The following APOBEC3D variants were observed in gnomAD, a reference collection of about 807,000 sequenced individuals.
APOBEC3D encodes DNA dC->dU-editing enzyme APOBEC-3D.
A neutral mutation model predicts 45.6 loss-of-function variants in APOBEC3D; 37 were observed. The observed-to-expected ratio is 0.81, with a 90% CI of 0.62 to 1.07. The LOEUF (loss-of-function observed/expected upper bound fraction) is 1.07. Among genes scored for constraint, APOBEC3D ranks in the 50% least tolerant of loss-of-function variants. The pLI, the probability that APOBEC3D is intolerant of heterozygous loss-of-function variation, is 0.00. For synonymous variants in APOBEC3D, 175 were observed against 180.7 expected (o/e 0.97, Z 0.25); for missense variants, 496 against 495.3 (o/e 1.00, Z -0.01).
rs765057107 is a variant in APOBEC3D at position 39,032,278 on chromosome 22, C to A, written c.1123C>A (p.Arg375=). ...TTGGAAGGGACTACAAACCAACTTT[C>A]GACTTCTGAAAAGAAGGCTACGGGA... The part of the protein sequence containing the change: ...KPWKGLQTNF[R]LLKRRLREIL... Residue 375 remains arginine (R), a synonymous_variant, in exon 7 of 7, where the codon CGA becomes AGA. Transcript: ENST00000216099. The A allele has an allele frequency of 6.2e-7, 1 of 1,614,184 alleles. No individual in the cohort carries two copies. The highest frequency in any genetic ancestry group is 1.7e-5 in the Admixed American group (1 of 60,016).
At chr22:39,024,960 A>G in intron 2 of APOBEC3D, 110 bp from the exon 3 acceptor site, 2 of 1,021,842 alleles carry the variant, frequency 2.0e-6, no homozygotes, top group Admixed American at 6.0e-5. Context: ...AAGGAGCTTC[A>G]ATGGCAAGAT....
intron 1 of APOBEC3D, among the ~76,000 whole-genome samples, chr22:39,022,375 G>A (rs562663723): frequency 6.6e-5 from 10 of 152,326 alleles, no homozygotes; most frequent in Admixed American, 3.3e-4. Flanking sequence ...CCACCCCCAC[G>A]CAGCACTTAG....
At chr22:39,023,799 G>GC (rs978634660) in intron 2 of APOBEC3D, among the ~76,000 whole-genome samples, 18 of 151,896 alleles carry the variant, frequency 1.2e-4, no homozygotes, top group Non-Finnish European at 1.5e-5. Context: ...CTGCTTGACC[G>GC]CCCCGGCCAC....
At chr22:39,029,235 C>G (rs969772663) in intron 4 of APOBEC3D, 128 bp from the exon 5 acceptor site, 5 of 1,073,490 alleles carry the variant, frequency 4.7e-6, no homozygotes, top group African/African-American at 1.6e-5. Flanking sequence ...CCTGGGAAAG[C>G]AGCAGACATT....
chr22:39,021,643 T>G (rs1393050257), intron 1 of APOBEC3D, 107 bp downstream of exon 1: 20 of 1,516,204 alleles, frequency 1.3e-5, no homozygotes, highest in Non-Finnish European at 1.7e-5. Flanking sequence ...GCCCTGGACT[T>G]CCTTCCCTCT....
At chr22:39,029,185 T>C (rs1381444125) in intron 4 of APOBEC3D, among the ~76,000 whole-genome samples, 178 bp from the exon 5 acceptor site, 2 of 152,140 alleles carry the variant, frequency 1.3e-5, no homozygotes, top group East Asian at 1.9e-4. Context: ...CTGCTGCCCC[T>C]GCCAGTACCC....
Position 39,029,461 on chromosome 22 carries a change from T to G in APOBEC3D, c.704T>G (p.Met235Arg), listed in dbSNP as rs532232827. Reference protein sequence around the residue: ...GRNESWLCFTMEVTKHHSAVF... With the variant: ...GRNESWLCFTREVTKHHSAVF... ...AACGAAAGCTGGCTGTGCTTCACCATGGAAGTTACAAAGCACCACTCAGCT... is the reference window on the plus strand; with the variant it reads ...AACGAAAGCTGGCTGTGCTTCACCAGGGAAGTTACAAAGCACCACTCAGCT... Residue 235 changes from methionine to arginine, a missense_variant, in exon 5 of 7, where the codon ATG becomes AGG. Physicochemically the swap from Met to Arg is moderately conservative, Grantham distance 91. Coordinates refer to ENST00000216099, the MANE Select transcript of APOBEC3D (RefSeq NM_152426.4). 1 of 1,614,160 alleles carries G rather than the reference T, an allele frequency of 6.2e-7. No homozygotes were observed. Among genetic ancestry groups the G allele is most frequent in the African/African-American group, 1.3e-5 (1 of 75,036 alleles).
rs367579805 is a variant in APOBEC3D, at chr22:39,025,245, C to T, written c.386C>T (p.Thr129Ile). The stretch of plus-strand genomic sequence containing the variant: ...GCTGAGCACCCCAATGTCACCCTGA[C>T]CATCTCTGCCGCCCGCCTCTACTAC... Reference protein sequence around the residue: ...FLAEHPNVTLTISAARLYYYR... With the variant: ...FLAEHPNVTLIISAARLYYYR... Residue 129 changes from threonine (T) to isoleucine (I), a missense_variant, in exon 3 of 7, where the codon ACC becomes ATC. Coordinates refer to ENST00000216099, the MANE Select transcript of APOBEC3D (RefSeq NM_152426.4). 6 of 1,614,128 alleles carry T rather than the reference C, an allele frequency of 3.7e-6. No individual in the cohort carries two copies.
intron 4 of APOBEC3D, among the ~76,000 whole-genome samples, chr22:39,029,154 C>A (rs1437411645): frequency 6.6e-6 from 1 of 152,114 alleles, no homozygotes; most frequent in Non-Finnish European, 1.5e-5. Context: ...GGGGTTCCAG[C>A]TAGGAGAGGT....
intron 4 of APOBEC3D, among the ~76,000 whole-genome samples, chr22:39,028,934 AAAAT>A (rs1363202971): frequency 2.6e-5 from 4 of 152,204 alleles, no homozygotes; most frequent in African/African-American, 4.8e-5. Context: ...ACCGTGTGCA[AAAAT>A]AAATAAATTC....
Position 39,033,030 on chromosome 22 carries a change from C to A in APOBEC3D, c.*714C>A, listed in dbSNP as rs767666520. On this transcript the variant is annotated 3_prime_UTR_variant, in exon 7 of 7. Coordinates refer to ENST00000216099, the MANE Select transcript of APOBEC3D (RefSeq NM_152426.4). ...AAGTTTGAGACCAGCCTGGGCCACACGACAAAGCCCCATTTCTACAAAAAA... is the reference window on the plus strand; with the variant it reads ...AAGTTTGAGACCAGCCTGGGCCACAAGACAAAGCCCCATTTCTACAAAAAA... 1.4e-5 allele frequency: 2 copies of A among 146,210 alleles called. No individual in the cohort carries two copies. The highest frequency in any genetic ancestry group is 5.1e-5 in the African/African-American group (2 of 38,860). The allele number at this position is 146,210 out of a possible 1,614,324, so 9.1% of individuals were successfully genotyped here.
rs748040415 is a variant in APOBEC3D at position 39,023,030 on chromosome 22, T to A, written c.210+16T>A. On this transcript the variant is annotated intron_variant, in intron 2 of 6. Coordinates refer to ENST00000216099, the MANE Select transcript of APOBEC3D (RefSeq NM_152426.4). Reference sequence around the variant, plus strand: ...CAGGCAGGAGGTAAGCAGCTGGGAATGCAGAAAACACATAAGTAAAATGTC... The same window carrying A: ...CAGGCAGGAGGTAAGCAGCTGGGAAAGCAGAAAACACATAAGTAAAATGTC... 1.2e-5 allele frequency: 18 copies of A among 1,554,590 alleles called. No individual in the cohort carries two copies. The highest frequency in any genetic ancestry group is 1.5e-5 in the Non-Finnish European group (17 of 1,149,190).
rs1303845214 is a variant in APOBEC3D at position 39,021,422 on chromosome 22, G to A, written c.-98G>A. ...TGCCCGGCCGGGAGGTCACTTTAAG[G>A]AGGGCTGTCCAACTGCAAGGAGCCG... On this transcript the variant is annotated 5_prime_UTR_variant, in exon 1 of 7. Coordinates refer to ENST00000216099, the MANE Select transcript of APOBEC3D (RefSeq NM_152426.4). 3.2e-6 allele frequency: 5 copies of A among 1,582,320 alleles called. No homozygotes were observed. The Admixed American group carries it at 6.8e-5, about 21-fold the overall frequency.
chr22:39,026,755 TTG>T (rs201971597), intron 4 of APOBEC3D, among the ~76,000 whole-genome samples: 6,199 of 150,650 alleles, frequency 0.041, 411 homozygotes, highest in African/African-American at 0.15. Flanking sequence ...TAAGGTTTTT[TTG>T]TTTTTTTTTT....
At chr22:39,032,062 C>A in intron 6 of APOBEC3D, 89 bp downstream of exon 6, 1 of 1,588,760 alleles carries the variant, frequency 6.3e-7, no homozygotes, top group Non-Finnish European at 8.6e-7. Context: ...GGGGCAGTGT[C>A]CCCGGGAAGC....
rs1326441389 is a variant in APOBEC3D, at chr22:39,032,728, G to A, written c.*412G>A. The A allele has an allele frequency of 4.8e-6, 2 of 417,730 alleles. No homozygotes were observed. Among genetic ancestry groups the A allele is most frequent in the Non-Finnish European group, 6.4e-6 (2 of 312,152 alleles). 25.9% of individuals were successfully genotyped at this position (417,730 alleles called of 1,614,324 possible). ...CCTGTCTCAGCTTCTGAGTAGCTGGGATTACAGATGCCTGCCACCACGCCC... is the reference window on the plus strand; with the variant it reads ...CCTGTCTCAGCTTCTGAGTAGCTGGAATTACAGATGCCTGCCACCACGCCC... On this transcript the variant is annotated 3_prime_UTR_variant, in exon 7 of 7. Coordinates refer to ENST00000216099, the MANE Select transcript of APOBEC3D (RefSeq NM_152426.4).
Position 39,025,648 on chromosome 22 carries a change from C to G in APOBEC3D, c.582C>G (p.His194Gln). 1 of 1,614,164 alleles carries G rather than the reference C, an allele frequency of 6.2e-7. No homozygotes were observed. Among genetic ancestry groups the G allele is most frequent in the Non-Finnish European group, 8.5e-7 (1 of 1,180,012 alleles). ...YKFDDNYASL[H>Q]RTLKEILRNP... ...TCGATGACAATTATGCATCCCTGCA[C>G]CGCACGCTAAAGGAGATTCTCAGGT... Residue 194 changes from histidine (H) to glutamine (Q), a missense_variant, in exon 4 of 7, where the codon CAC (histidine) becomes CAG (glutamine). His to Gln is a conservative substitution (Grantham distance 24, BLOSUM62 0). Transcript: ENST00000216099.
chr22:39,032,310 C>T lies in APOBEC3D; in HGVS notation c.1155C>T (p.Leu385=), dbSNP rs771337617. 55 of 1,613,900 alleles carry T rather than the reference C, an allele frequency of 3.4e-5. No homozygotes were observed. In the South Asian group the frequency reaches 5.2e-4, roughly 15 times the overall value. The stretch of plus-strand genomic sequence containing the variant: ...TGAAAAGAAGGCTACGGGAGATTCT[C>T]CAGTGAGGGGTCTCCCTGGGCCTCA... ...RLLKRRLREI[L]Q is the part of the protein sequence containing the mutation. Residue 385 remains leucine (L), a synonymous_variant, in exon 7 of 7, where the codon CTC becomes CTT. Coordinates refer to ENST00000216099, the MANE Select transcript of APOBEC3D (RefSeq NM_152426.4).
chr22:39,026,458 G>T (rs913565457), intron 4 of APOBEC3D, among the ~76,000 whole-genome samples: 1 of 152,202 alleles, frequency 6.6e-6, no homozygotes, highest in African/African-American at 2.4e-5. Flanking sequence ...GGGGTTGAGG[G>T]CTTCGACATG....
Sources: gnomAD v4.1 joint callset for allele counts (sites outside exome capture counted in the v4.1 genomes callset) on GRCh38, gnomAD v4.1.1 for gene constraint, MANE v1.5 for transcripts, NCBI Gene and HGNC (gene_info 2026-07-23, HGNC 2026-07-21) for gene names.